Variants in DNAH3 observed in about 807,000 individuals in gnomAD.
DNAH3 encodes axonemal beta dynein heavy chain 3.
A neutral mutation model predicts 432.5 loss-of-function variants in DNAH3; 332 were observed. That is an observed-to-expected ratio of 0.77 (90% CI 0.70 to 0.84). The LOEUF is 0.84. Ranked by LOEUF, DNAH3 falls within the 40% of genes least tolerant of loss-of-function variation. The probability of loss-of-function intolerance (pLI) is 0.00; values close to 1 mark genes in which losing one functional copy is unlikely to be tolerated. For missense variants in DNAH3, 4,861 were observed against 5,114.0 expected, an observed-to-expected ratio of 0.95 and a Z score of 1.51; for synonymous variants, 1,956 against 1,900.2, an observed-to-expected ratio of 1.03 and a Z score of -0.76.
chr16:20,987,378 T>C, exon 47 of DNAH3: 2 of 1,614,174 alleles, frequency 1.2e-6, no homozygotes, highest in Non-Finnish European at 1.7e-6. Context: ...TCTGTCCTCC[T>C]TGTCAATCAG....
At chr16:21,087,791 G>A (rs1239212347) in intron 18 of DNAH3, among the ~76,000 whole-genome samples, 1 of 152,116 alleles carries the variant, frequency 6.6e-6, no homozygotes, top group African/African-American at 2.4e-5. Flanking sequence ...CCAGCTATTT[G>A]GGAGGCTGGG....
chr16:21,020,348 G>GTGTATATATATATATATATATATA, intron 40 of DNAH3, among the ~76,000 whole-genome samples: 11 of 69,146 alleles, frequency 1.6e-4, no homozygotes, highest in African/African-American at 5.8e-4. Context: ...TATAGTGTGT[G>GTGTATATATATATATATATATATA]TATATATATA....
At chr16:20,989,294 C>T (rs888690048) in intron 44 of DNAH3, among the ~76,000 whole-genome samples, 1 of 152,152 alleles carries the variant, frequency 6.6e-6, no homozygotes, top group Non-Finnish European at 1.5e-5. Flanking sequence ...AGCATCTACA[C>T]AAAGGTTCTC....
chr16:20,940,235 T>A (rs1037837908), intron 59 of DNAH3, among the ~76,000 whole-genome samples: 10 of 152,148 alleles, frequency 6.6e-5, no homozygotes, highest in East Asian at 1.9e-4. Context: ...AGTTTTTTTT[T>A]ATTTTCTTTA....
chr16:21,082,419 C>T (rs534895032), intron 19 of DNAH3, among the ~76,000 whole-genome samples: 1 of 152,264 alleles, frequency 6.6e-6, no homozygotes, highest in East Asian at 1.9e-4. Flanking sequence ...CCACGCTGGT[C>T]TTGAACTCCT....
At chr16:20,944,510 C>T in exon 58 of DNAH3, 1 of 1,614,074 alleles carries the variant, frequency 6.2e-7, no homozygotes, top group South Asian at 1.1e-5. Flanking sequence ...GGGGACTTGC[C>T]ACTTCCTCCT....
intron 1 of DNAH3, among the ~76,000 whole-genome samples, chr16:21,153,704 ACACATCCGAG>A (rs2092878623): frequency 6.6e-6 from 1 of 152,086 alleles, no homozygotes; most frequent in Admixed American, 6.6e-5. Context: ...GAAACTCCGA[ACACATCCGAG>A]CATCAGAAGG....
chr16:20,953,148 G>GT (rs971898148), intron 55 of DNAH3, among the ~76,000 whole-genome samples: 4 of 150,780 alleles, frequency 2.7e-5, no homozygotes, highest in African/African-American at 2.4e-5. Context: ...TGTTTGTTTT[G>GT]TTTTTTTGTT....
At chr16:21,050,539 A>C (rs575431795) in intron 29 of DNAH3, among the ~76,000 whole-genome samples, 32 of 152,298 alleles carry the variant, frequency 2.1e-4, no homozygotes, top group African/African-American at 7.5e-4. Context: ...CCTGGGCCCA[A>C]GTGATACTCC....
Position 20,983,408 on chromosome 16 carries a change from G to A in DNAH3, c.7666-494C>T, listed in dbSNP as rs530815419. ...CCCAAAGTGCTGGGATTACAGGCGTGAGCCACCATGCCTGAGTCTATTACC... is the reference window on the plus strand; with the variant it reads ...CCCAAAGTGCTGGGATTACAGGCGTAAGCCACCATGCCTGAGTCTATTACC... On this transcript the variant is annotated intron_variant, in intron 48 of 61. Coordinates refer to ENST00000261383, the Ensembl canonical transcript of DNAH3. 4.6e-5 allele frequency among the ~76,000 whole-genome samples: 7 copies of A among 152,302 alleles called. No individual in the cohort carries two copies. The East Asian group carries it at 1.4e-3, about 29-fold the overall frequency.
At chr16:20,969,115 T>G (rs1157052654) in intron 52 of DNAH3, among the ~76,000 whole-genome samples, 1 of 150,986 alleles carries the variant, frequency 6.6e-6, no homozygotes, top group Non-Finnish European at 1.5e-5. Flanking sequence ...TGTGTGTGTG[T>G]GTGTGTTTCC....
intron 15 of DNAH3, among the ~76,000 whole-genome samples, chr16:21,105,383 A>C (rs1466717358): frequency 6.6e-6 from 1 of 152,208 alleles, no homozygotes; most frequent in East Asian, 1.9e-4. Flanking sequence ...ACAAACTTTC[A>C]AGGAGCCCTG....
chr16:21,009,050 A>G (rs961336881), intron 41 of DNAH3, among the ~76,000 whole-genome samples: 6 of 152,244 alleles, frequency 3.9e-5, no homozygotes, highest in African/African-American at 1.4e-4. Context: ...AGCGACGAGA[A>G]TGTTCTCTAA....
chr16:21,021,526 A>G (rs545034775), intron 40 of DNAH3, among the ~76,000 whole-genome samples: 30 of 152,254 alleles, frequency 2.0e-4, no homozygotes, highest in African/African-American at 7.0e-4. Flanking sequence ...AAACTCTACT[A>G]TCTGCACTCC....
intron 17 of DNAH3, among the ~76,000 whole-genome samples, 162 bp downstream of exon 17, chr16:21,098,454 A>G (rs202191965): frequency 7.3e-4 from 110 of 149,694 alleles, no homozygotes; most frequent in African/African-American, 1.5e-3. Context: ...AAAAAAAAAA[A>G]AAAAGAAAAG....
chr16:20,999,319 T>C (rs1262658797), intron 43 of DNAH3, among the ~76,000 whole-genome samples: 2 of 151,968 alleles, frequency 1.3e-5, no homozygotes, highest in African/African-American at 4.8e-5. Flanking sequence ...TTTTTGAATA[T>C]ACCATAAAAA....
exon 46 of DNAH3, chr16:20,987,729 A>T: frequency 6.2e-7 from 1 of 1,614,128 alleles, no homozygotes; most frequent in Non-Finnish European, 8.5e-7. Context: ...GGACCCCTTG[A>T]ATCACTCGTG....
At chr16:20,994,410 G>A (rs1442826678) in intron 44 of DNAH3, among the ~76,000 whole-genome samples, 1 of 152,092 alleles carries the variant, frequency 6.6e-6, no homozygotes, top group Non-Finnish European at 1.5e-5. Flanking sequence ...CAGCCTGGGC[G>A]ACAAGAGCGA....
intron 51 of DNAH3, among the ~76,000 whole-genome samples, chr16:20,970,823 CTT>C (rs1161270772): frequency 6.7e-6 from 1 of 148,876 alleles, no homozygotes; most frequent in African/African-American, 2.5e-5. Context: ...CTCTTCCAGT[CTT>C]TGTCTTCCCA....
Sources: allele counts gnomAD v4.1 joint callset (sites outside exome capture counted in the v4.1 genomes callset), GRCh38; gene constraint gnomAD v4.1.1; transcripts MANE v1.5; gene names NCBI Gene and HGNC (gene_info 2026-07-23, HGNC 2026-07-21).